The following CNIH3 variants were observed in gnomAD, a reference collection of about 807,000 sequenced individuals.
CNIH3 encodes protein cornichon homolog 3.
Under a neutral mutation model 24.1 loss-of-function variants are expected in CNIH3, and 14 were observed. The observed-to-expected ratio is 0.58, with a 90% CI of 0.38 to 0.91. The LOEUF is 0.91. Ranked by LOEUF, CNIH3 falls within the 40% of genes least tolerant of loss-of-function variation. CNIH3 has a pLI of 0.00. For synonymous variants in CNIH3, 68 were observed against 73.8 expected (o/e 0.92, Z 0.40); for missense variants, 178 against 196.8 (o/e 0.90, Z 0.57).
chr1:224,476,672 G>A (rs549431938), intron 1 of CNIH3, among the ~76,000 whole-genome samples: 149 of 152,224 alleles, frequency 9.8e-4, no homozygotes, highest in African/African-American at 3.5e-3. Flanking sequence ...AAACTGGTAA[G>A]ATAGTCCATG....
upstream of CNIH3, among the ~76,000 whole-genome samples, chr1:224,512,346 G>T (rs1229576130): frequency 6.6e-6 from 1 of 152,158 alleles, no homozygotes; most frequent in Admixed American, 6.5e-5. Flanking sequence ...GCGAGGCATG[G>T]TGGTGCACGC....
intron 1 of CNIH3, among the ~76,000 whole-genome samples, chr1:224,483,560 T>A (rs1446930909): frequency 6.6e-6 from 1 of 152,022 alleles, no homozygotes; most frequent in Non-Finnish European, 1.5e-5. Context: ...CGGCTAATTT[T>A]TGTATTTTTT....
intron 3 of CNIH3, among the ~76,000 whole-genome samples, chr1:224,606,078 CT>C (rs957318180): frequency 2.0e-5 from 3 of 152,156 alleles, no homozygotes; most frequent in African/African-American, 7.2e-5. Context: ...ATGAGTGCTT[CT>C]GGGTGCCGGC....
At chr1:224,730,798 G>C (rs1248073133) in intron 4 of CNIH3, 2 of 481,390 alleles carry the variant, frequency 4.2e-6, no homozygotes, top group East Asian at 6.3e-5. Flanking sequence ...ATCCCTTGTA[G>C]GTCAGTGTTA....
chr1:224,581,781 C>T (rs1219009625), intron 4 of CNIH3, among the ~76,000 whole-genome samples: 4 of 152,106 alleles, frequency 2.6e-5, no homozygotes, highest in African/African-American at 9.7e-5. Flanking sequence ...AAATTTAGCT[C>T]ATCTCCTTTG....
At chr1:224,487,655 A>G (rs1677079203) in intron 1 of CNIH3, among the ~76,000 whole-genome samples, 1 of 152,358 alleles carries the variant, frequency 6.6e-6, no homozygotes, top group South Asian at 2.1e-4. Flanking sequence ...ATTGTATAGA[A>G]GAAGCTTCCC....
In CNIH3 at chr1:224,585,250, T is replaced by C. The variant is rs117178601; in HGVS notation, n.620+1983T>C. 3.4e-4 allele frequency among the ~76,000 whole-genome samples: 52 copies of C among 152,308 alleles called. 1 individual carries two copies. In the East Asian group the frequency reaches 7.1e-3, roughly 21 times the overall value. On this transcript the variant is annotated intron_variant and non_coding_transcript_variant, in intron 5 of 5. Transcript: ENST00000471578. Reference sequence around the variant, plus strand: ...TCCTACTCGCTTATTTTTCCAGGCCTGTCTTAACGTCTCAATGTCTCCTCT... The same window carrying C: ...TCCTACTCGCTTATTTTTCCAGGCCCGTCTTAACGTCTCAATGTCTCCTCT...
intron 4 of CNIH3, among the ~76,000 whole-genome samples, chr1:224,582,036 A>C (rs1324336946): frequency 6.6e-6 from 1 of 152,208 alleles, no homozygotes; most frequent in East Asian, 1.9e-4. Flanking sequence ...ATAGGGAAAG[A>C]ATCATGATAA....
intron 4 of CNIH3, among the ~76,000 whole-genome samples, chr1:224,574,203 TAATAAA>T (rs1202103877): frequency 6.6e-6 from 1 of 152,106 alleles, no homozygotes; most frequent in Non-Finnish European, 1.5e-5. Flanking sequence ...CCTATGGCCA[TAATAAA>T]AGGACCCACT....
At chr1:224,652,831 G>A (rs1176987510) in intron 1 of CNIH3, among the ~76,000 whole-genome samples, 4 of 152,218 alleles carry the variant, frequency 2.6e-5, no homozygotes, top group African/African-American at 9.6e-5. Context: ...TCCCTGGTGA[G>A]GGTTGGCGCA....
chr1:224,629,499 G>A (rs1412569081), intron 1 of CNIH3, among the ~76,000 whole-genome samples: 6 of 152,036 alleles, frequency 3.9e-5, no homozygotes, highest in Admixed American at 1.3e-4. Flanking sequence ...TCTTTCTGTC[G>A]ACAGTTCCGT....
intron 1 of CNIH3, among the ~76,000 whole-genome samples, chr1:224,490,564 C>G (rs1380378599): frequency 6.6e-6 from 1 of 152,134 alleles, no homozygotes; most frequent in Non-Finnish European, 1.5e-5. Flanking sequence ...TTCTGATTCC[C>G]TATAACTCAT....
At chr1:224,578,213 A>G (rs775414313) in intron 4 of CNIH3, among the ~76,000 whole-genome samples, 4 of 152,250 alleles carry the variant, frequency 2.6e-5, no homozygotes, top group Non-Finnish European at 4.4e-5. Context: ...ACAAAAAGCT[A>G]TTCCAACTGG....
At chr1:224,705,850 C>CTTTTTTTTTTTT (rs61128987) in intron 3 of CNIH3, among the ~76,000 whole-genome samples, 10 of 90,204 alleles carry the variant, frequency 1.1e-4, no homozygotes, top group South Asian at 4.3e-4. Context: ...TCTTTCTTTT[C>CTTTTTTTTTTTT]TTTTTTTTCT....
chr1:224,666,002 G>T (rs1191526711), intron 1 of CNIH3, among the ~76,000 whole-genome samples: 2 of 152,166 alleles, frequency 1.3e-5, no homozygotes, highest in Non-Finnish European at 2.9e-5. Flanking sequence ...ACAGGGCAGG[G>T]TCTGTGCCGC....
rs1204478274 is a variant in CNIH3 at position 224,531,270 on chromosome 1, C to G, written n.344-5666C>G. On this transcript the variant is annotated intron_variant and non_coding_transcript_variant, in intron 2 of 2. Coordinates refer to the CNIH3 transcript ENST00000470602. ...AGTGGGGAAGATGACAGGCATGAAC[C>G]CTGCCCTCATGAAGCCTGGAACTCC... is the stretch of plus-strand genomic sequence containing the variant. Among the ~76,000 whole-genome samples the G allele has an allele frequency of 2.0e-5, 3 of 151,496 alleles. No individual in the cohort carries two copies. The East Asian group carries it at 5.8e-4, about 29-fold the overall frequency.
chr1:224,455,134 G>T (rs1011965940), intron 1 of CNIH3, among the ~76,000 whole-genome samples: 2 of 152,132 alleles, frequency 1.3e-5, no homozygotes, highest in South Asian at 4.1e-4. Context: ...CTAACACAAA[G>T]CCTATTATAT....
intron 1 of CNIH3, among the ~76,000 whole-genome samples, chr1:224,643,339 C>T (rs944373647): frequency 3.9e-5 from 6 of 152,220 alleles, no homozygotes; most frequent in African/African-American, 1.4e-4. Flanking sequence ...TTTGCAGCAT[C>T]TTTTGGACAT....
chr1:224,530,835 T>C (rs1679036274), intron 2 of CNIH3, among the ~76,000 whole-genome samples: 1 of 152,152 alleles, frequency 6.6e-6, no homozygotes, highest in South Asian at 2.1e-4. Context: ...CCTGACCTTG[T>C]GATACACCTG....
Sources: allele counts gnomAD v4.1 joint callset (sites outside exome capture counted in the v4.1 genomes callset), GRCh38; gene constraint gnomAD v4.1.1; transcripts MANE v1.5; gene names NCBI Gene and HGNC (gene_info 2026-07-23, HGNC 2026-07-21).